Variants in PARD3B observed in about 807,000 individuals in gnomAD.
PARD3B encodes the protein par-3 family cell polarity regulator beta.
PARD3B carries 103 observed loss-of-function variants against 130.2 expected under a neutral mutation model. The observed-to-expected ratio is 0.79, with a 90% CI of 0.67 to 0.93. PARD3B has a LOEUF of 0.93. Among genes scored for constraint, PARD3B ranks in the 40% least tolerant of loss-of-function variants. PARD3B has a pLI of 0.00. For synonymous variants in PARD3B, 583 were observed against 553.2 expected (o/e 1.05, Z -0.76); for missense variants, 1,609 against 1,499.2 (o/e 1.07, Z -1.21).
In PARD3B at chr2:204,655,919, G is replaced by T. The variant is rs911456979; in HGVS notation, c.121-30262G>T. ...AGCTGATCTTGTCTGGGCCCTTTCA[G>T]GTATTTTGGGGTGAGAAGGTTGTAG... On this transcript the variant is annotated intron_variant, in intron 1 of 22. Transcript: ENST00000406610. Among the ~76,000 whole-genome samples the T allele has an allele frequency of 5.3e-5, 8 of 152,168 alleles. No individual in the cohort carries two copies. The South Asian group carries it at 6.2e-4, about 12-fold the overall frequency.
intron 19 of PARD3B, among the ~76,000 whole-genome samples, chr2:205,409,854 C>T (rs1321815476): frequency 3.9e-5 from 6 of 152,210 alleles, no homozygotes; most frequent in East Asian, 3.9e-4. Flanking sequence ...TTACCTAGAA[C>T]GATTCCACAG....
chr2:205,178,427 G>T (rs1043313533), intron 13 of PARD3B, among the ~76,000 whole-genome samples: 4 of 151,978 alleles, frequency 2.6e-5, no homozygotes, highest in Admixed American at 6.6e-5. Context: ...TACTCTGGGC[G>T]ACAGAGCAAG....
At chr2:204,911,168 G>C (rs2047221898) in intron 2 of PARD3B, among the ~76,000 whole-genome samples, 1 of 152,058 alleles carries the variant, frequency 6.6e-6, no homozygotes, top group African/African-American at 2.4e-5. Context: ...AATAAATGAA[G>C]GAAAAAATTA....
At chr2:205,085,871 A>C (rs985682602) in intron 4 of PARD3B, among the ~76,000 whole-genome samples, 2 of 144,888 alleles carry the variant, frequency 1.4e-5, no homozygotes, top group East Asian at 3.8e-4. Context: ...TTTATGAATG[A>C]CTGGGTTGCA....
intron 18 of PARD3B, among the ~76,000 whole-genome samples, chr2:205,380,751 TATATATAAAGAATATATATA>T (rs1301729065): frequency 3.6e-4 from 37 of 101,980 alleles, no homozygotes; most frequent in African/African-American, 1.1e-3. Context: ...TTATATATAC[TATATATAAAGAATATATATA>T]ATATATAAAG....
At chr2:205,540,688 T>C (rs1267450448) in intron 21 of PARD3B, among the ~76,000 whole-genome samples, 1 of 152,292 alleles carries the variant, frequency 6.6e-6, no homozygotes, top group Non-Finnish European at 1.5e-5. Flanking sequence ...TTGCAGAAAC[T>C]TCCTCTATTA....
In PARD3B at chr2:205,461,465, AG is replaced by A. The variant is rs1030728699; in HGVS notation, c.3044+20795del. 2.0e-5 allele frequency among the ~76,000 whole-genome samples: 3 copies of A among 152,130 alleles called. No homozygotes were observed. Among genetic ancestry groups the A allele is most frequent in the African/African-American group, 7.2e-5 (3 of 41,424 alleles). Reference sequence around the variant, plus strand: ...CCTAGCACGGACTGCCATGTAGAAAAGGTCCCCTATTATTTCAGCACCACAT... The same window carrying A: ...CCTAGCACGGACTGCCATGTAGAAAAGTCCCCTATTATTTCAGCACCACAT... On this transcript the variant is annotated intron_variant, in intron 20 of 22. Transcript: ENST00000406610. The surrounding 1 kb of genome is among the most constrained non-coding windows in gnomAD (Gnocchi z 4.3).
intron 2 of PARD3B, among the ~76,000 whole-genome samples, chr2:204,830,510 T>C (rs1157336826): frequency 6.6e-6 from 1 of 152,238 alleles, no homozygotes; most frequent in African/African-American, 2.4e-5. Flanking sequence ...AATGTTTATA[T>C]AGTGAAGAAG....
intron 16 of PARD3B, among the ~76,000 whole-genome samples, chr2:205,256,979 T>A (rs1023611873): frequency 2.0e-5 from 3 of 152,140 alleles, no homozygotes; most frequent in African/African-American, 7.2e-5. Context: ...TGTCAATTTT[T>A]GGTATCCTAG....
chr2:205,526,430 T>C (rs1294270496), intron 21 of PARD3B, among the ~76,000 whole-genome samples: 1 of 152,190 alleles, frequency 6.6e-6, no homozygotes, highest in African/African-American at 2.4e-5. Context: ...CCCCTTTTTC[T>C]AAAATTTTGG....
At chr2:205,329,994 A>AAAATAAATAAAT (rs199881710) in intron 18 of PARD3B, among the ~76,000 whole-genome samples, 782 of 63,020 alleles carry the variant, frequency 0.012, 5 homozygotes, top group Middle Eastern at 0.036. Context: ...ACGCCGTCTC[A>AAAATAAATAAAT]AAATAAATAA....
intron 20 of PARD3B, among the ~76,000 whole-genome samples, chr2:205,442,666 G>A (rs1177158414): frequency 6.6e-6 from 1 of 152,090 alleles, no homozygotes; most frequent in Non-Finnish European, 1.5e-5. Context: ...GAGTTTCTAA[G>A]AGGACCATCC....
At chr2:204,786,992 C>T (rs1323432534) in intron 2 of PARD3B, among the ~76,000 whole-genome samples, 1 of 152,028 alleles carries the variant, frequency 6.6e-6, no homozygotes, top group Non-Finnish European at 1.5e-5. Flanking sequence ...TGTTTTGTTT[C>T]TTTAGAGTCT....
At chr2:205,579,859 T>C (rs1303085785) in intron 22 of PARD3B, among the ~76,000 whole-genome samples, 1 of 152,220 alleles carries the variant, frequency 6.6e-6, no homozygotes, top group African/African-American at 2.4e-5. Flanking sequence ...GCCAGTTGGC[T>C]CTTGACACGT....
At chr2:204,666,478 A>C (rs2125194783) in intron 1 of PARD3B, among the ~76,000 whole-genome samples, 1 of 152,282 alleles carries the variant, frequency 6.6e-6, no homozygotes, top group South Asian at 2.1e-4. Flanking sequence ...TTTGGAGAAA[A>C]GTGAGTCGAT....
At chr2:205,612,303 C>CCA (rs1238907966) in intron 22 of PARD3B, among the ~76,000 whole-genome samples, 1 of 152,104 alleles carries the variant, frequency 6.6e-6, no homozygotes, top group African/African-American at 2.4e-5. Flanking sequence ...TAGGCATGCA[C>CCA]CACCACGCCC....
At position 205,331,782 on chromosome 2, in the gene PARD3B, C is replaced by CAAAAAAAAAAAAAAAAAAAAAAAAAAAA. The variant is rs56654511; in HGVS notation, c.2630+30104_2630+30105insAAAAAAAAAAAAAAAAAAAAAAAAAAAA. Among the ~76,000 whole-genome samples, 11 of 48,404 alleles carry CAAAAAAAAAAAAAAAAAAAAAAAAAAAA rather than the reference C, an allele frequency of 2.3e-4. 3 individuals carry two copies. The highest frequency in any genetic ancestry group is 6.4e-4 in the African/African-American group (6 of 9,304). The allele number at this position is 48,404 out of a possible 152,430, so 31.8% of individuals were successfully genotyped here. The stretch of plus-strand genomic sequence containing the variant: ...TGGGCGACAGAGTGAGACTCCGTCT[C>CAAAAAAAAAAAAAAAAAAAAAAAAAAAA]AAAAAAAAAAAAAAAAAAAAAAAGA... On this transcript the variant is annotated intron_variant, in intron 18 of 22. Coordinates refer to ENST00000406610, the MANE Select transcript of PARD3B (RefSeq NM_001302769.2).
chr2:205,596,471 G>T (rs1002524566), intron 22 of PARD3B, among the ~76,000 whole-genome samples: 21 of 152,176 alleles, frequency 1.4e-4, no homozygotes, highest in African/African-American at 5.1e-4. Context: ...GCAGATACTT[G>T]TGTATGCCTA....
At chr2:204,979,711 A>G (rs953073637) in intron 3 of PARD3B, among the ~76,000 whole-genome samples, 1 of 152,232 alleles carries the variant, frequency 6.6e-6, no homozygotes, top group Non-Finnish European at 1.5e-5. Flanking sequence ...AATAGAAATT[A>G]TAGCAATAGC....
Sources: gnomAD v4.1 joint callset for allele counts (sites outside exome capture counted in the v4.1 genomes callset) on GRCh38, gnomAD v4.1.1 for gene constraint, Gnocchi (gnomAD v3.1) non-coding constraint, MANE v1.5 for transcripts, NCBI Gene and HGNC (gene_info 2026-07-23, HGNC 2026-07-21) for gene names.